PHC2: variants seen among roughly 807,000 people sequenced by gnomAD.
PHC2 encodes the protein polyhomeotic homolog 2.
In PHC2, 29 loss-of-function variants were observed where a neutral mutation model predicts 87.4. The observed-to-expected ratio is 0.33, with a 90% CI of 0.25 to 0.45. PHC2 has a LOEUF of 0.45. Among genes scored for constraint, PHC2 ranks in the 20% least tolerant of loss-of-function variants. The probability of loss-of-function intolerance (pLI) is 1.00; values close to 1 mark genes in which losing one functional copy is unlikely to be tolerated. For synonymous variants in PHC2, 438 were observed against 461.7 expected, an observed-to-expected ratio of 0.95 and a Z score of 0.66; for missense variants, 857 against 1,136.7, an observed-to-expected ratio of 0.75 and a Z score of 3.54.
chr1:33,380,628 T>C (rs923786233), intron 1 of PHC2, among the ~76,000 whole-genome samples: 3 of 152,262 alleles, frequency 2.0e-5, no homozygotes, highest in Non-Finnish European at 4.4e-5. Flanking sequence ...GTGAATAATG[T>C]TGCAATGGAA....
intron 1 of PHC2, among the ~76,000 whole-genome samples, chr1:33,386,231 C>A (rs1000775470): frequency 6.6e-6 from 1 of 151,856 alleles, no homozygotes; most frequent in East Asian, 2.0e-4. Flanking sequence ...AAAAAAAAGA[C>A]CCCTGGCTGA....
At chr1:33,417,723 T>C (rs188070262) in intron 1 of PHC2, among the ~76,000 whole-genome samples, 29 of 152,198 alleles carry the variant, frequency 1.9e-4, no homozygotes, top group African/African-American at 5.3e-4. Flanking sequence ...ATGACACAAG[T>C]AGATGTAAAA....
At chr1:33,389,931 T>C (rs1339559269) in intron 1 of PHC2, among the ~76,000 whole-genome samples, 1 of 152,238 alleles carries the variant, frequency 6.6e-6, no homozygotes, top group Non-Finnish European at 1.5e-5. Context: ...AGCATAACTC[T>C]ACCCTACTTC....
intron 9 of PHC2, chr1:33,346,991 G>C: frequency 5.1e-6 from 5 of 985,408 alleles, no homozygotes; most frequent in Non-Finnish European, 6.0e-6. Flanking sequence ...GAGTTCAATT[G>C]TGTAAGATCA....
At chr1:33,346,781 C>T in intron 9 of PHC2, 2 of 985,442 alleles carry the variant, frequency 2.0e-6, no homozygotes, top group Non-Finnish European at 2.4e-6. Context: ...AGGACAGAGA[C>T]TTAAGGGAAG....
At chr1:33,390,945 G>A (rs187461816) in intron 1 of PHC2, among the ~76,000 whole-genome samples, 3 of 152,266 alleles carry the variant, frequency 2.0e-5, no homozygotes, top group African/African-American at 7.2e-5. Flanking sequence ...CATTTGGGTG[G>A]ATCTTTAAAG....
chr1:33,417,371 GATATGCTTTCTACAGAAAC>G (rs1225110547), intron 1 of PHC2, among the ~76,000 whole-genome samples: 3 of 152,066 alleles, frequency 2.0e-5, no homozygotes. Context: ...AAAAACCAAA[GATATGCTTTCTACAGAAAC>G]ATACTTTAAA....
chr1:33,347,624 C>A (rs1646868975), intron 9 of PHC2: 2 of 985,462 alleles, frequency 2.0e-6, no homozygotes, highest in Non-Finnish European at 2.4e-6. Context: ...AACTGAGAAA[C>A]CGACTCAAGT....
At chr1:33,401,614 C>T (rs141412035) in intron 1 of PHC2, among the ~76,000 whole-genome samples, 15 of 152,278 alleles carry the variant, frequency 9.9e-5, no homozygotes, top group African/African-American at 3.4e-4. Context: ...TACTACAAAT[C>T]GGGACTTTTT....
intron 1 of PHC2, among the ~76,000 whole-genome samples, chr1:33,406,808 GT>G (rs1366452588): frequency 3.9e-5 from 6 of 152,126 alleles, no homozygotes; most frequent in Admixed American, 1.3e-4. Flanking sequence ...GTGGATTGCT[GT>G]TTTTTATCAA....
At position 33,349,205 on chromosome 1, in the gene PHC2, ATAG is replaced by A. The variant is rs1159220848; in HGVS notation, c.1558+5193_1558+5195del. 2.0e-6 allele frequency: 2 copies of A among 975,672 alleles called. No individual in the cohort carries two copies. The highest frequency in any genetic ancestry group is 2.3e-4 in the East Asian group (2 of 8,820). 60.4% of individuals were successfully genotyped at this position (975,672 alleles called of 1,614,324 possible). A position where few individuals can be genotyped will look rare whatever the true frequency, so the allele number is the denominator to read the frequency against. Reference sequence around the variant, plus strand: ...CAGCGAAGCCGCAGGCGCCTCCAAGATAGGGAGTCCACCACCAATAAAGTACGG... The same window carrying A: ...CAGCGAAGCCGCAGGCGCCTCCAAGAGGAGTCCACCACCAATAAAGTACGG... On this transcript the variant is annotated intron_variant, in intron 9 of 14. Transcript: ENST00000683057. The surrounding 1 kb of genome is among the most constrained non-coding windows in gnomAD (Gnocchi z 4.2).
intron 1 of PHC2, among the ~76,000 whole-genome samples, chr1:33,380,057 G>A (rs74067017): frequency 0.21 from 32,510 of 152,092 alleles, 5,986 homozygotes; most frequent in African/African-American, 0.51. Flanking sequence ...GTTGCTCTCT[G>A]TCCCCAGCTT....
At chr1:33,372,190 G>T in intron 3 of PHC2, 99 bp downstream of exon 3, 1 of 1,209,698 alleles carries the variant, frequency 8.3e-7, no homozygotes, top group Non-Finnish European at 1.1e-6. Flanking sequence ...GCAGGTAAGA[G>T]AAGGATGTGA....
At chr1:33,351,490 C>G (rs1646971023) in intron 9 of PHC2, among the ~76,000 whole-genome samples, 2 of 152,200 alleles carry the variant, frequency 1.3e-5, no homozygotes, top group African/African-American at 2.4e-5. Context: ...TGACTTACCT[C>G]AAATCCATCT....
chr1:33,429,417 T>C (rs1467409161), intron 1 of PHC2, among the ~76,000 whole-genome samples: 1 of 152,264 alleles, frequency 6.6e-6, no homozygotes, highest in Non-Finnish European at 1.5e-5. Context: ...ATATTCTTTA[T>C]GTGGCTGCAT....
At chr1:33,356,251 A>ATATATATATATATATATATGTG (rs1557830875) in intron 7 of PHC2, among the ~76,000 whole-genome samples, 1 of 39,816 alleles carries the variant, frequency 2.5e-5, no homozygotes, top group Non-Finnish European at 5.1e-5. Flanking sequence ...GAAAATTCTT[A>ATATATATATATATATATATGTG]TATATATATA....
intron 9 of PHC2, chr1:33,353,327 C>T (rs1331263203): frequency 1.3e-5 from 2 of 152,148 alleles, no homozygotes; most frequent in Non-Finnish European, 2.9e-5. Context: ...AGAATCATGA[C>T]CAATGCTGGC....
At chr1:33,333,413 C>G (rs1258105528) in intron 10 of PHC2, 1 of 152,440 alleles carries the variant, frequency 6.6e-6, no homozygotes, top group Non-Finnish European at 1.5e-5. Context: ...GCCGCTGGCT[C>G]TGGGCTCCTC....
In PHC2 at chr1:33,412,147, G is replaced by C. The variant is rs755809105; in HGVS notation, c.-55+18829C>G. Among the ~76,000 whole-genome samples, 143 of 152,260 alleles carry C rather than the reference G, an allele frequency of 9.4e-4. 1 individual carries two copies. The highest frequency in any genetic ancestry group is 1.4e-3 in the Non-Finnish European group (96 of 68,016). ...AGATTAGAAAGGAAGAAGTAAAACTGTATTTGCAAACAACATAATTGTGTT... is the reference window on the plus strand; with the variant it reads ...AGATTAGAAAGGAAGAAGTAAAACTCTATTTGCAAACAACATAATTGTGTT... On this transcript the variant is annotated intron_variant, in intron 1 of 14. Transcript: ENST00000683057.
Sources: allele counts gnomAD v4.1 joint callset (sites outside exome capture counted in the v4.1 genomes callset), GRCh38; gene constraint gnomAD v4.1.1; non-coding constraint Gnocchi (gnomAD v3.1); transcripts MANE v1.5; gene names NCBI Gene and HGNC (gene_info 2026-07-23, HGNC 2026-07-21).